The following TANC1 variants were observed in gnomAD, a reference collection of about 807,000 sequenced individuals.
TANC1 encodes tetratricopeptide repeat, ankyrin repeat and coiled-coil containing 1, also known as protein TANC1.
A neutral mutation model predicts 149.7 loss-of-function variants in TANC1; 77 were observed. The ratio of observed to expected loss-of-function variants is 0.51; its 90% CI spans 0.43 to 0.62. The LOEUF is 0.62. Among genes scored for constraint, TANC1 ranks in the 20% least tolerant of loss-of-function variants. The pLI is 0.00. For missense variants in TANC1, 1,985 were observed against 2,321.8 expected (o/e 0.85, Z 2.98); for synonymous variants, 854 against 925.0 (o/e 0.92, Z 1.39).
intron 2 of TANC1, among the ~76,000 whole-genome samples, chr2:159,063,237 G>A (rs1425217018): frequency 5.3e-5 from 8 of 152,168 alleles, no homozygotes; most frequent in African/African-American, 1.9e-4. Flanking sequence ...ACAGCCCAAT[G>A]TGTCCATTTC....
At position 159,231,937 on chromosome 2, in the gene TANC1, T is replaced by C. The variant is rs1036421108; in HGVS notation, c.*925T>C. 5.9e-5 allele frequency: 9 copies of C among 152,532 alleles called. No individual in the cohort carries two copies. Among genetic ancestry groups the C allele is most frequent in the African/African-American group, 2.2e-4 (9 of 41,468 alleles). The allele number at this position is 152,532 out of a possible 1,614,324, so 9.4% of individuals were successfully genotyped here. A position where few individuals can be genotyped will look rare whatever the true frequency, so the allele number is the denominator to read the frequency against. The stretch of plus-strand genomic sequence containing the variant: ...TTGTTTTGTTGTACAATTAGTACTT[T>C]ATAGTCACATGTTGTATATATTAAA... On this transcript the variant is annotated 3_prime_UTR_variant, in exon 27 of 27. Coordinates refer to ENST00000263635, the MANE Select transcript of TANC1 (RefSeq NM_033394.3).
At chr2:158,980,224 A>G (rs1290603401) in intron 1 of TANC1, among the ~76,000 whole-genome samples, 2 of 152,190 alleles carry the variant, frequency 1.3e-5, no homozygotes, top group African/African-American at 4.8e-5. Context: ...GTTCATTATA[A>G]ATATCCTGGA....
intron 4 of TANC1, among the ~76,000 whole-genome samples, chr2:159,113,395 T>G (rs890949203): frequency 1.3e-5 from 2 of 152,214 alleles, no homozygotes; most frequent in Admixed American, 1.3e-4. Flanking sequence ...GTGGCTCTGT[T>G]TCCTTAGAAG....
chr2:159,024,023 A>T (rs1222280168), intron 2 of TANC1, among the ~76,000 whole-genome samples: 1 of 152,104 alleles, frequency 6.6e-6, no homozygotes, highest in Non-Finnish European at 1.5e-5. Flanking sequence ...ATAACAAACC[A>T]TCATGTATCT....
At chr2:159,029,806 C>T (rs1470673097) in intron 2 of TANC1, among the ~76,000 whole-genome samples, 1 of 152,110 alleles carries the variant, frequency 6.6e-6, no homozygotes, top group African/African-American at 2.4e-5. Flanking sequence ...AGTGATCCTC[C>T]TGCCTCAGCT....
intron 4 of TANC1, among the ~76,000 whole-genome samples, chr2:159,133,701 G>A (rs867224715): frequency 3.9e-5 from 6 of 152,060 alleles, no homozygotes; most frequent in African/African-American, 7.2e-5. Flanking sequence ...CCTACATCCC[G>A]CACTTAGATT....
At chr2:159,207,042 A>T (rs2058654858) in intron 19 of TANC1, among the ~76,000 whole-genome samples, 1 of 152,196 alleles carries the variant, frequency 6.6e-6, no homozygotes, top group African/African-American at 2.4e-5. Flanking sequence ...TTTTAAATTG[A>T]GGTTACATTA....
intron 1 of TANC1, among the ~76,000 whole-genome samples, chr2:158,986,691 C>T (rs545906624): frequency 2.0e-5 from 3 of 152,302 alleles, no homozygotes; most frequent in East Asian, 3.9e-4. Flanking sequence ...ATTTCACTTC[C>T]TTCAGGGAGC....
Position 159,136,045 on chromosome 2 carries a change from T to TGTGTGTGTGTGTGTGTGTGC in TANC1, c.260-144_260-143insTGTGTGTGTGTGTGCGTGTG, listed in dbSNP as rs1559326068. 4.6e-5 allele frequency: 5 copies of TGTGTGTGTGTGTGTGTGTGC among 107,796 alleles called. 1 individual carries two copies. Among genetic ancestry groups the TGTGTGTGTGTGTGTGTGTGC allele is most frequent in the South Asian group, 1.3e-4 (2 of 15,158 alleles). The allele number at this position is 107,796 out of a possible 1,614,324, so 6.7% of individuals were successfully genotyped here. A position where few individuals can be genotyped will look rare whatever the true frequency, so the allele number is the denominator to read the frequency against. On this transcript the variant is annotated intron_variant, in intron 4 of 26. Transcript: ENST00000263635. ...GTGTGTGTGTGTGTGTGTGTGTGTG[T>TGTGTGTGTGTGTGTGTGTGC]GTGTGCGCGCGCGCGCGTTTAAGGG...
intron 2 of TANC1, among the ~76,000 whole-genome samples, chr2:159,058,571 A>G (rs1045506702): frequency 2.6e-5 from 4 of 152,230 alleles, no homozygotes; most frequent in Admixed American, 6.5e-5. Context: ...TATTAGAACA[A>G]GGCAGGATGT....
At chr2:159,228,565 T>C in intron 25 of TANC1, 1 of 487,194 alleles carries the variant, frequency 2.1e-6, no homozygotes, top group Non-Finnish European at 3.7e-6. Context: ...CCATCTGGCC[T>C]TCTTGGGGCA....
intron 14 of TANC1, among the ~76,000 whole-genome samples, chr2:159,184,624 C>T (rs1348906160): frequency 6.6e-6 from 1 of 152,088 alleles, no homozygotes; most frequent in East Asian, 1.9e-4. Flanking sequence ...TGGGATCAGC[C>T]CATGGGTAGG....
intron 2 of TANC1, among the ~76,000 whole-genome samples, chr2:159,037,370 A>G (rs9677405): frequency 1.7e-4 from 26 of 152,118 alleles, no homozygotes; most frequent in African/African-American, 6.0e-4. Context: ...GTTTAATTAG[A>G]TCCCATTTGT....
chr2:159,167,668 G>A (rs967918035), intron 8 of TANC1, among the ~76,000 whole-genome samples: 6 of 152,134 alleles, frequency 3.9e-5, no homozygotes, highest in African/African-American at 1.4e-4. Context: ...TTTCTTGCTC[G>A]CTGGGAGGAT....
At chr2:159,027,274 C>T (rs932552611) in intron 2 of TANC1, 16 of 152,166 alleles carry the variant, frequency 1.1e-4, no homozygotes, top group African/African-American at 3.9e-4. Context: ...CAAAAGTAAC[C>T]ATGCAATATC....
chr2:159,034,998 G>A (rs2040065881), intron 2 of TANC1, among the ~76,000 whole-genome samples: 2 of 152,160 alleles, frequency 1.3e-5, no homozygotes, highest in South Asian at 2.1e-4. Flanking sequence ...ACATGGAATC[G>A]ATGGAGACAT....
chr2:159,019,607 G>T (rs2038612258), intron 2 of TANC1, among the ~76,000 whole-genome samples: 2 of 149,600 alleles, frequency 1.3e-5, no homozygotes. Context: ...CTGGAGGCAG[G>T]GTCTTGATGA....
intron 3 of TANC1, among the ~76,000 whole-genome samples, chr2:159,095,845 A>G (rs2046069863): frequency 3.3e-5 from 2 of 60,194 alleles, no homozygotes; most frequent in Admixed American, 2.9e-4. Context: ...CTCCTAACAC[A>G]AAAAACAAGC....
intron 3 of TANC1, among the ~76,000 whole-genome samples, chr2:159,093,033 C>T (rs1240826196): frequency 1.3e-5 from 2 of 152,078 alleles, no homozygotes; most frequent in Non-Finnish European, 2.9e-5. Context: ...TGATGCTGTG[C>T]GATGGAAAGC....
Sources: allele counts gnomAD v4.1 joint callset (sites outside exome capture counted in the v4.1 genomes callset), GRCh38; gene constraint gnomAD v4.1.1; transcripts MANE v1.5; gene names NCBI Gene and HGNC (gene_info 2026-07-23, HGNC 2026-07-21).